AP2B1: variants seen among roughly 807,000 people sequenced by gnomAD.
AP2B1 encodes the protein AP-2 complex subunit beta.
A neutral mutation model predicts 102.0 loss-of-function variants in AP2B1; 23 were observed. The ratio of observed to expected loss-of-function variants is 0.23; its 90% CI spans 0.16 to 0.32. The LOEUF (loss-of-function observed/expected upper bound fraction) is 0.32, where lower values mean the gene tolerates loss of function less well. Ranked by LOEUF, AP2B1 falls within the 10% of genes least tolerant of loss-of-function variation. The probability of loss-of-function intolerance (pLI) is 1.00; values close to 1 mark genes in which losing one functional copy is unlikely to be tolerated. For synonymous variants in AP2B1, 381 were observed against 421.2 expected, an observed-to-expected ratio of 0.90 and a Z score of 1.17; for missense variants, 541 against 1,157.4, an observed-to-expected ratio of 0.47 and a Z score of 7.73.
chr17:35,639,763 A>T lies in AP2B1; in HGVS notation c.1437+3A>T, dbSNP rs760789746. 1.2e-6 allele frequency: 2 copies of T among 1,613,260 alleles called. No homozygotes were observed. Among genetic ancestry groups the T allele is most frequent in the South Asian group, 1.1e-5 (1 of 91,002 alleles). ...GTTTTCACGATGAAAGCACCCAGGT[A>T]AGTTCTTGTCTCTTGTCTATCCTAG... On this transcript the variant is annotated splice_donor_region_variant and intron_variant, in intron 11 of 21. Transcript: ENST00000610402.
intron 18 of AP2B1, among the ~76,000 whole-genome samples, chr17:35,690,753 T>G (rs1344408174): frequency 6.6e-6 from 1 of 152,230 alleles, no homozygotes; most frequent in East Asian, 1.9e-4. Context: ...CTGTTATATC[T>G]TTTTGTTAGT....
chr17:35,600,877 C>T (rs950763557), intron 3 of AP2B1: 15 of 399,232 alleles, frequency 3.8e-5, no homozygotes, highest in Admixed American at 1.3e-4. Context: ...CCTAACCAGA[C>T]GGGGAGCCCA....
At chr17:35,639,567 A>G (rs2074708666) in intron 10 of AP2B1, 28 bp from the exon 11 acceptor site, 2 of 1,587,894 alleles carry the variant, frequency 1.3e-6, no homozygotes, top group Non-Finnish European at 1.7e-6. Flanking sequence ...TTTGCCCTCA[A>G]TAACCATAGT....
intron 17 of AP2B1, among the ~76,000 whole-genome samples, chr17:35,680,462 T>C (rs2075793559): frequency 6.6e-6 from 1 of 152,128 alleles, no homozygotes; most frequent in Non-Finnish European, 1.5e-5. Flanking sequence ...CTCAACCTCC[T>C]GGACTCAAGT....
At chr17:35,643,267 A>G (rs2074835600) in intron 12 of AP2B1, among the ~76,000 whole-genome samples, 1 of 152,170 alleles carries the variant, frequency 6.6e-6, no homozygotes, top group East Asian at 1.9e-4. Context: ...AGGTTGGACA[A>G]GCTTGCTGTA....
intron 5 of AP2B1, among the ~76,000 whole-genome samples, chr17:35,619,894 C>T (rs917750365): frequency 1.3e-5 from 2 of 152,102 alleles, no homozygotes; most frequent in South Asian, 2.1e-4. Context: ...AAGTGATTCT[C>T]GTGCCTCAGC....
intron 6 of AP2B1, 33 bp from the exon 7 acceptor site, chr17:35,626,588 T>C (rs1183975496): frequency 5.4e-6 from 8 of 1,491,864 alleles, no homozygotes; most frequent in Admixed American, 1.7e-5. Context: ...TAAATTATAA[T>C]TCATGATATT....
At chr17:35,604,515 T>C (rs1472425379) in intron 3 of AP2B1, among the ~76,000 whole-genome samples, 1 of 151,980 alleles carries the variant, frequency 6.6e-6, no homozygotes, top group African/African-American at 2.4e-5. Context: ...CCCAGAACTT[T>C]GGGAGGCCAA....
chr17:35,650,785 G>A lies in AP2B1; in HGVS notation c.1792G>A (p.Gly598Arg), dbSNP rs1473787168. Reference sequence around the variant, plus strand: ...TCGTAAACACTTGCCAATTCATCATGGGAGGTAAGAAGGTGTGAACTGTCT... The same window carrying A: ...TCGTAAACACTTGCCAATTCATCATAGGAGGTAAGAAGGTGTGAACTGTCT... Reference protein sequence around the residue: ...IHRKHLPIHHGSTDAGDSPVG... With the variant: ...IHRKHLPIHHRSTDAGDSPVG... The change falls in exon 13 of 22, where the codon GGG (glycine) becomes AGG (arginine). Residue 598 changes from glycine to arginine, a missense_variant. Physicochemically the swap from Gly to Arg is moderately radical, Grantham distance 125 (BLOSUM62 -2). Around this residue, in one of 10 missense-constraint regions of AP2B1, gnomAD observed 39 missense variants for 42.0 expected, o/e 0.93. Transcript: ENST00000610402. The A allele has an allele frequency of 6.2e-7, 1 of 1,613,964 alleles. No individual in the cohort carries two copies. Among genetic ancestry groups the A allele is most frequent in the Non-Finnish European group, 8.5e-7 (1 of 1,179,846 alleles).
chr17:35,677,682 G>A (rs2075730614), intron 17 of AP2B1, among the ~76,000 whole-genome samples: 1 of 152,026 alleles, frequency 6.6e-6, no homozygotes, highest in South Asian at 2.1e-4. Flanking sequence ...TGAATAAGTA[G>A]ATCAATTTGA....
intron 4 of AP2B1, among the ~76,000 whole-genome samples, chr17:35,607,664 T>C (rs1186068081): frequency 6.6e-6 from 1 of 152,192 alleles, no homozygotes; most frequent in Non-Finnish European, 1.5e-5. Context: ...CCAGACCAGC[T>C]CCTGTGCTCC....
At chr17:35,692,477 A>G (rs1229071493) in intron 18 of AP2B1, among the ~76,000 whole-genome samples, 3 of 152,282 alleles carry the variant, frequency 2.0e-5, no homozygotes, top group Non-Finnish European at 4.4e-5. Flanking sequence ...AGGACTTTGA[A>G]TTCTGGACGT....
intron 9 of AP2B1, among the ~76,000 whole-genome samples, chr17:35,635,997 A>T (rs1470031945): frequency 1.1e-4 from 17 of 148,162 alleles, no homozygotes; most frequent in Admixed American, 9.4e-4. Context: ...CCTTGGTAGT[A>T]TTTTTTTTTT....
At chr17:35,608,529 T>C in intron 5 of AP2B1, 142 bp downstream of exon 5, 1 of 1,036,036 alleles carries the variant, frequency 9.7e-7, no homozygotes, top group Non-Finnish European at 1.4e-6. Context: ...TCACAGATTG[T>C]ATATTTCATA....
chr17:35,629,521 T>C (rs2074405337), intron 9 of AP2B1, among the ~76,000 whole-genome samples: 1 of 152,114 alleles, frequency 6.6e-6, no homozygotes, highest in Non-Finnish European at 1.5e-5. Flanking sequence ...TTCTTGAATC[T>C]CTGAGGATAT....
intron 17 of AP2B1, among the ~76,000 whole-genome samples, chr17:35,675,964 A>G (rs2075692635): frequency 6.6e-6 from 1 of 152,166 alleles, no homozygotes; most frequent in South Asian, 2.1e-4. Context: ...TTGCAATTGG[A>G]TGATAAGTGC....
chr17:35,620,235 C>A (rs2074135098), intron 5 of AP2B1, among the ~76,000 whole-genome samples: 1 of 151,944 alleles, frequency 6.6e-6, no homozygotes, highest in Non-Finnish European at 1.5e-5. Flanking sequence ...AATCTCAGCA[C>A]CTTAGGAGGC....
chr17:35,593,200 G>A (rs1461985687), intron 1 of AP2B1, among the ~76,000 whole-genome samples: 1 of 152,074 alleles, frequency 6.6e-6, no homozygotes, highest in Non-Finnish European at 1.5e-5. Flanking sequence ...CAAAAATATA[G>A]TTAGATACAA....
chr17:35,713,431 C>G (rs1010674484), intron 20 of AP2B1, among the ~76,000 whole-genome samples: 2 of 152,204 alleles, frequency 1.3e-5, no homozygotes, highest in Admixed American at 1.3e-4. Flanking sequence ...TGAGTCCACC[C>G]CCAGGTCTGG....
Sources: allele counts gnomAD v4.1 joint callset (sites outside exome capture counted in the v4.1 genomes callset), GRCh38; gene constraint gnomAD v4.1.1; regional missense constraint gnomAD v4.1.1; transcripts MANE v1.5; gene names NCBI Gene and HGNC (gene_info 2026-07-23, HGNC 2026-07-21).